AIF1: variants seen among roughly 807,000 people sequenced by gnomAD.
AIF1 encodes allograft inflammatory factor 1.
A neutral mutation model predicts 20.6 loss-of-function variants in AIF1; 21 were observed. That is an observed-to-expected ratio of 1.02 (90% confidence interval 0.72 to 1.47). The LOEUF is 1.47. Among genes scored for constraint, AIF1 ranks in the 40% most tolerant of loss-of-function variants. The probability of loss-of-function intolerance (pLI) is 0.00; values close to 1 mark genes in which losing one functional copy is unlikely to be tolerated. For missense variants in AIF1, 161 were observed against 170.5 expected (o/e 0.94, Z 0.31); for synonymous variants, 52 against 65.8 (o/e 0.79, Z 1.01).
chr6:31,615,595 A>T lies in AIF1; in HGVS notation c.87+13A>T. On this transcript the variant is annotated intron_variant, in intron 2 of 5. Transcript: ENST00000376059. ...TGAGATCAACAAGGTAGAAGGAAGA[A>T]CTAAGGGGGCAGAGCCAGGGGGATG... 1 of 1,613,316 alleles carries T rather than the reference A, an allele frequency of 6.2e-7. No homozygotes were observed. The highest frequency in any genetic ancestry group is 2.2e-5 in the East Asian group (1 of 44,844).
At chr6:31,615,487 G>A (rs1188456000) in intron 1 of AIF1, 34 bp from the exon 2 acceptor site, 2 of 1,613,748 alleles carry the variant, frequency 1.2e-6, no homozygotes, top group Non-Finnish European at 1.7e-6. Context: ...AGGAAGGGAG[G>A]GATGAGGGCT....
In AIF1 at chr6:31,616,177, G is replaced by A. The variant is rs1774337219; in HGVS notation, c.196+32G>A. On this transcript the variant is annotated intron_variant, in intron 4 of 5. Coordinates refer to ENST00000376059, the MANE Select transcript of AIF1 (RefSeq NM_001623.5). The surrounding 1 kb of genome is among the most constrained non-coding windows in gnomAD (Gnocchi z 4.0). Reference sequence around the variant, plus strand: ...AACGGGTGATTTGCGGGGGCAGGGTGGTGTGCAGGCCTAAGAAGACAGAGG... The same window carrying A: ...AACGGGTGATTTGCGGGGGCAGGGTAGTGTGCAGGCCTAAGAAGACAGAGG... 4 of 1,612,658 alleles carry A rather than the reference G, an allele frequency of 2.5e-6. No individual in the cohort carries two copies. The highest frequency in any genetic ancestry group is 1.3e-5 in the African/African-American group (1 of 74,908).
chr6:31,616,508 T>G lies in AIF1; in HGVS notation c.359+2T>G. The stretch of plus-strand genomic sequence containing the variant: ...CAAGAGATCTGCCATCCTAAAAATG[T>G]GAGTGTCAATTTCCAACCTCCCCTG... On this transcript the variant is annotated splice_donor_variant, in intron 5 of 5. Transcript: ENST00000376059. LOFTEE classifies it high-confidence loss of function. The surrounding 1 kb of genome is among the most constrained non-coding windows in gnomAD (Gnocchi z 4.0). 1 of 1,602,800 alleles carries G rather than the reference T, an allele frequency of 6.2e-7. No individual in the cohort carries two copies. Among genetic ancestry groups the G allele is most frequent in the East Asian group, 2.2e-5 (1 of 44,816 alleles).
chr6:31,615,312 A>G lies in AIF1; in HGVS notation c.-18A>G, dbSNP rs1187129695. 1 of 1,575,576 alleles carries G rather than the reference A, an allele frequency of 6.3e-7. No individual in the cohort carries two copies. Among genetic ancestry groups the G allele is most frequent in the Non-Finnish European group, 8.6e-7 (1 of 1,157,890 alleles). On this transcript the variant is annotated 5_prime_UTR_variant, in exon 1 of 6. Coordinates refer to ENST00000376059, the MANE Select transcript of AIF1 (RefSeq NM_001623.5). ...CAGCTTGGTCTGTCTCCCCACCTCT[A>G]CCAGCATCTGCTGAGCTATGAGCCA...
rs1426640132 is a variant in AIF1, at chr6:31,616,776, A to C, written c.360-40A>C. The C allele has an allele frequency of 6.2e-7, 1 of 1,613,692 alleles. No homozygotes were observed. Among genetic ancestry groups the C allele is most frequent in the South Asian group, 1.1e-5 (1 of 91,074 alleles). On this transcript the variant is annotated intron_variant, in intron 5 of 5. Coordinates refer to ENST00000376059, the MANE Select transcript of AIF1 (RefSeq NM_001623.5). This position sits in a 1 kb window ranked among gnomAD's most constrained non-coding sequence, Gnocchi z 4.0. ...CCCTATGATTTATTCCCTTGAGAGG[A>C]GTGTTCCCTGATCCCTGTGCCTCTT...
Position 31,616,856 on chromosome 6 carries a change from C to G in AIF1, c.400C>G (p.Pro134Ala). The change falls in exon 6 of 6, where the codon CCA (proline) becomes GCA (alanine). Residue 134 changes from proline (P) to alanine (A), a missense_variant. Transcript: ENST00000376059. This position sits in a 1 kb window ranked among gnomAD's most constrained non-coding sequence, Gnocchi z 4.0. ...GGAAAAAGCGAGAGAAAAGGAAAAGCCAACAGGCCCCCCAGCCAAGAAAGC... is the reference window on the plus strand; with the variant it reads ...GGAAAAAGCGAGAGAAAAGGAAAAGGCAACAGGCCCCCCAGCCAAGAAAGC... Reference protein sequence around the residue: ...YEEKAREKEKPTGPPAKKAIS... With the variant: ...YEEKAREKEKATGPPAKKAIS... The G allele has an allele frequency of 6.2e-7, 1 of 1,614,196 alleles. No individual in the cohort carries two copies. Among genetic ancestry groups the G allele is most frequent in the South Asian group, 1.1e-5 (1 of 91,090 alleles).
Position 31,616,582 on chromosome 6 carries a change from A to T in AIF1, c.359+76A>T. On this transcript the variant is annotated intron_variant, in intron 5 of 5. Coordinates refer to ENST00000376059, the MANE Select transcript of AIF1 (RefSeq NM_001623.5). This position sits in a 1 kb window ranked among gnomAD's most constrained non-coding sequence, Gnocchi z 4.0. ...CATCCCTACCCTTGTCCACAGGCTCAACATTTCTACACGTTGCCCATCATC... is the reference window on the plus strand; with the variant it reads ...CATCCCTACCCTTGTCCACAGGCTCTACATTTCTACACGTTGCCCATCATC... 8 of 1,536,108 alleles carry T rather than the reference A, an allele frequency of 5.2e-6. No homozygotes were observed. The highest frequency in any genetic ancestry group is 7.0e-6 in the Non-Finnish European group (8 of 1,143,170).
rs939780454 is a variant in AIF1 at position 31,616,664 on chromosome 6, G to C, written c.360-152G>C. 2 of 1,499,886 alleles carry C rather than the reference G, an allele frequency of 1.3e-6. No homozygotes were observed. Among genetic ancestry groups the C allele is most frequent in the African/African-American group, 1.4e-5 (1 of 71,678 alleles). The allele number at this position is 1,499,886 out of a possible 1,614,324, so 92.9% of individuals were successfully genotyped here. On this transcript the variant is annotated intron_variant, in intron 5 of 5. Coordinates refer to ENST00000376059, the MANE Select transcript of AIF1 (RefSeq NM_001623.5). This position sits in a 1 kb window ranked among gnomAD's most constrained non-coding sequence, Gnocchi z 4.0. ...GGTCCCGACCCCATCCCTATCCATA[G>C]TCCTGGTCCCCAGAAACTCCAACCC...
rs1774407839 is a variant in AIF1, at chr6:31,616,705, C to T, written c.360-111C>T. ...ACTCCAACCCCTGCCCTTCCTCTTC[C>T]CCCTTCCACCCTCACATCCCCATCC... On this transcript the variant is annotated intron_variant, in intron 5 of 5. Transcript: ENST00000376059. The surrounding 1 kb of genome is among the most constrained non-coding windows in gnomAD (Gnocchi z 4.0). 6.5e-7 allele frequency: 1 copy of T among 1,548,360 alleles called. No homozygotes were observed. Among genetic ancestry groups the T allele is most frequent in the Admixed American group, 2.0e-5 (1 of 48,906 alleles).
In AIF1 at chr6:31,616,303, G is replaced by A. The variant is rs374596465; in HGVS notation, c.197-41G>A. On this transcript the variant is annotated intron_variant, in intron 4 of 5. Transcript: ENST00000376059. The surrounding 1 kb of genome is among the most constrained non-coding windows in gnomAD (Gnocchi z 4.0). The stretch of plus-strand genomic sequence containing the variant: ...TGCGGAAGTGGGAGAGGAGAGAGAG[G>A]GTCTCCCCACCTTCTCCCCATCCCC... The A allele has an allele frequency of 6.0e-5, 97 of 1,612,562 alleles. No homozygotes were observed. The highest frequency in any genetic ancestry group is 1.3e-5 in the Non-Finnish European group (15 of 1,179,892).
In AIF1 at chr6:31,616,352, T is replaced by G; in HGVS notation, c.205T>G (p.Ser69Ala). 6.2e-7 allele frequency: 1 copy of G among 1,612,894 alleles called. No individual in the cohort carries two copies. Among genetic ancestry groups the G allele is most frequent in the Non-Finnish European group, 8.5e-7 (1 of 1,179,980 alleles). ...LNGNGDIDIM[S>A]LKRMLEKLGV... ...CCATCCTCTGCCCCCAGATATCATG[T>G]CCCTGAAACGAATGCTGGAGAAACT... is the stretch of plus-strand genomic sequence containing the variant. Residue 69 changes from serine to alanine, a missense_variant, in exon 5 of 6, where the codon TCC (serine) becomes GCC (alanine). Coordinates refer to ENST00000376059, the MANE Select transcript of AIF1 (RefSeq NM_001623.5). The surrounding 1 kb of genome is among the most constrained non-coding windows in gnomAD (Gnocchi z 4.0).
rs183878693 is a variant in AIF1 at position 31,615,756 on chromosome 6, C to T, written c.154+20C>T. Reference sequence around the variant, plus strand: ...TCAAAGGTGAGGGGGAAACTGTAGGCGGTGGAGACAGGGCTGGGGGTAGGA... The same window carrying T: ...TCAAAGGTGAGGGGGAAACTGTAGGTGGTGGAGACAGGGCTGGGGGTAGGA... On this transcript the variant is annotated intron_variant, in intron 3 of 5. Transcript: ENST00000376059. 3.0e-5 allele frequency: 48 copies of T among 1,601,066 alleles called. 4 individuals carry two copies. In the African/African-American group the frequency reaches 4.8e-4, roughly 16 times the overall value.
rs757111938 is a variant in AIF1 at position 31,615,325 on chromosome 6, G to C, written c.-5G>C. ...CTCCCCACCTCTACCAGCATCTGCT[G>C]AGCTATGAGCCAAACCAGGGATTTA... On this transcript the variant is annotated 5_prime_UTR_variant, in exon 1 of 6. Coordinates refer to ENST00000376059, the MANE Select transcript of AIF1 (RefSeq NM_001623.5). 6.2e-7 allele frequency: 1 copy of C among 1,601,714 alleles called. No homozygotes were observed. Among genetic ancestry groups the C allele is most frequent in the African/African-American group, 1.3e-5 (1 of 74,180 alleles).
chr6:31,615,552 G>A lies in AIF1; in HGVS notation c.57G>A (p.Gln19=). 6.2e-7 allele frequency: 1 copy of A among 1,613,828 alleles called. No homozygotes were observed. The highest frequency in any genetic ancestry group is 8.5e-7 in the Non-Finnish European group (1 of 1,179,954). ...GGKAFGLLKA[Q]QEERLDEINK... is the part of the protein sequence containing the mutation. ...AAGCTTTCGGACTGCTGAAGGCCCAGCAGGAAGAGAGGCTGGATGAGATCA... is the reference window on the plus strand; with the variant it reads ...AAGCTTTCGGACTGCTGAAGGCCCAACAGGAAGAGAGGCTGGATGAGATCA... Residue 19 remains glutamine, a synonymous_variant, in exon 2 of 6, where the codon CAG becomes CAA. Transcript: ENST00000376059.
chr6:31,615,948 C>T (rs45593732), intron 3 of AIF1, 156 bp from the exon 4 acceptor site: 29,707 of 1,481,748 alleles, frequency 0.02, 363 homozygotes, highest in Non-Finnish European at 0.022. Context: ...CCTAGCGGGG[C>T]CCCTCAACTC....
At chr6:31,615,974 TCTGC>T in intron 3 of AIF1, 126 bp from the exon 4 acceptor site, 1 of 1,510,366 alleles carries the variant, frequency 6.6e-7, no homozygotes, top group Non-Finnish European at 8.8e-7. Context: ...CCCCACTTCC[TCTGC>T]CTGCCCCTCC....
intron 3 of AIF1, 75 bp downstream of exon 3, chr6:31,615,811 G>T: frequency 6.4e-7 from 1 of 1,550,486 alleles, no homozygotes; most frequent in Admixed American, 2.0e-5. Context: ...AACAAGGCAG[G>T]AACAGCAGAG....
rs530308937 is a variant in AIF1 at position 31,615,446 on chromosome 6, G to C, written c.26-75G>C. On this transcript the variant is annotated intron_variant, in intron 1 of 5. Coordinates refer to ENST00000376059, the MANE Select transcript of AIF1 (RefSeq NM_001623.5). Reference sequence around the variant, plus strand: ...GCTAGGAGGGCAGTCAGCTGGCCTAGGGTAGCCCGGGCTGGTGTCAGGGTA... The same window carrying C: ...GCTAGGAGGGCAGTCAGCTGGCCTACGGTAGCCCGGGCTGGTGTCAGGGTA... 471 of 1,613,430 alleles carry C rather than the reference G, an allele frequency of 2.9e-4. No individual in the cohort carries two copies. The Middle Eastern group carries it at 3.3e-3, about 11-fold the overall frequency.
Position 31,616,353 on chromosome 6 carries a change from C to T in AIF1, c.206C>T (p.Ser69Phe). ...CATCCTCTGCCCCCAGATATCATGT[C>T]CCTGAAACGAATGCTGGAGAAACTT... ...LNGNGDIDIMSLKRMLEKLGV... is the reference protein window; with the variant it reads ...LNGNGDIDIMFLKRMLEKLGV... Residue 69 changes from serine to phenylalanine, a missense_variant, in exon 5 of 6, where the codon TCC becomes TTC. Transcript: ENST00000376059. The surrounding 1 kb of genome is among the most constrained non-coding windows in gnomAD (Gnocchi z 4.0). The T allele has an allele frequency of 6.2e-7, 1 of 1,612,974 alleles. No homozygotes were observed. Among genetic ancestry groups the T allele is most frequent in the Non-Finnish European group, 8.5e-7 (1 of 1,180,010 alleles).
Sources: gnomAD v4.1 joint callset for allele counts on GRCh38, gnomAD v4.1.1 for gene constraint, Gnocchi (gnomAD v3.1) non-coding constraint, MANE v1.5 for transcripts, NCBI Gene and HGNC (gene_info 2026-07-23, HGNC 2026-07-21) for gene names.